Variants in PDE1C observed in about 807,000 individuals in gnomAD.
PDE1C encodes phosphodiesterase 1C.
A neutral mutation model predicts 93.1 loss-of-function variants in PDE1C; 62 were observed. The observed-to-expected ratio is 0.67, with a 90% CI of 0.54 to 0.82. PDE1C has a LOEUF of 0.82. Among genes scored for constraint, PDE1C ranks in the 40% least tolerant of loss-of-function variants. The pLI, the probability that PDE1C is intolerant of heterozygous loss-of-function variation, is 0.00. For missense variants in PDE1C, 742 were observed against 884.6 expected, an observed-to-expected ratio of 0.84 and a Z score of 2.04; for synonymous variants, 325 against 310.1, an observed-to-expected ratio of 1.05 and a Z score of -0.50.
chr7:31,748,697 G>A (rs1214881533), downstream of PDE1C, among the ~76,000 whole-genome samples: 1 of 152,132 alleles, frequency 6.6e-6, no homozygotes, highest in Non-Finnish European at 1.5e-5. Context: ...ATGATGCAGG[G>A]CCTTCTCTTG....
chr7:32,419,290 T>C (rs1373015027), intron 1 of PDE1C, among the ~76,000 whole-genome samples: 1 of 152,196 alleles, frequency 6.6e-6, no homozygotes, highest in African/African-American at 2.4e-5. Flanking sequence ...AACAATTTCC[T>C]AGTATCCTCC....
chr7:31,888,491 A>C (rs994900236), intron 2 of PDE1C, among the ~76,000 whole-genome samples: 1 of 152,084 alleles, frequency 6.6e-6, no homozygotes, highest in Admixed American at 6.5e-5. Flanking sequence ...TCAAGAAAAA[A>C]GAGAAATGAT....
chr7:31,755,487 C>T lies in PDE1C; in HGVS notation c.1961-1934G>A, dbSNP rs190085671. 3.6e-3 allele frequency among the ~76,000 whole-genome samples: 542 copies of T among 152,012 alleles called. 4 individuals are homozygous for T. The highest frequency in any genetic ancestry group is 0.013 in the African/African-American group (518 of 41,436). On this transcript the variant is annotated intron_variant, in intron 17 of 17. Transcript: ENST00000396191. ...TAATAGCAGAAACCAGGGCTCCTTG[C>T]AGAAATGACTGATTCCAGAACTCGG...
At chr7:31,709,759 G>A in the PDE1C span, among the ~76,000 whole-genome samples, 1 of 152,086 alleles carries the variant, frequency 6.6e-6, no homozygotes, top group East Asian at 1.9e-4. Flanking sequence ...TTTCTGGCCA[G>A]GTAAAGTAGA....
At chr7:32,104,992 G>C (rs1047038297) in intron 3 of PDE1C, among the ~76,000 whole-genome samples, 7 of 152,244 alleles carry the variant, frequency 4.6e-5, no homozygotes, top group Middle Eastern at 3.4e-3. Flanking sequence ...CCAAGAACCT[G>C]CCAAAGTCCT....
At chr7:32,050,776 C>G (rs1350480333) in intron 2 of PDE1C, among the ~76,000 whole-genome samples, 1 of 152,186 alleles carries the variant, frequency 6.6e-6, no homozygotes, top group East Asian at 1.9e-4. Flanking sequence ...TGCTGCTCCA[C>G]CAAGTCAGCA....
chr7:32,058,398 C>G (rs76732136), intron 1 of PDE1C, among the ~76,000 whole-genome samples: 13 of 152,164 alleles, frequency 8.5e-5, no homozygotes, highest in African/African-American at 3.1e-4. Context: ...CTCATGAGTA[C>G]AGATCACATG....
At chr7:32,316,332 G>C (rs78474681) in intron 1 of PDE1C, among the ~76,000 whole-genome samples, 1 of 152,120 alleles carries the variant, frequency 6.6e-6, no homozygotes, top group Non-Finnish European at 1.5e-5. Context: ...GTTTACCAAC[G>C]ATAGAATAAA....
intron 1 of PDE1C, among the ~76,000 whole-genome samples, chr7:32,282,644 C>T (rs1271656435): frequency 3.5e-4 from 7 of 20,230 alleles, no homozygotes; most frequent in African/African-American, 1.0e-3. Context: ...TGCAATGGCA[C>T]GATCTCGGCT....
At position 31,968,891 on chromosome 7, in the gene PDE1C, T is replaced by C. The variant is rs180825750; in HGVS notation, c.128+82663A>G. Among the ~76,000 whole-genome samples the C allele has an allele frequency of 4.1e-3, 627 of 152,356 alleles. 6 individuals are homozygous for C. The highest frequency in any genetic ancestry group is 0.014 in the African/African-American group (591 of 41,584). ...AACAAGCAATGGGGAAAGGATTCCC[T>C]ATTTAATAAATCATTCTGGGAAAAC... On this transcript the variant is annotated intron_variant, in intron 2 of 17. Coordinates refer to ENST00000396191, the MANE Select transcript of PDE1C (RefSeq NM_001191057.4).
intron 2 of PDE1C, among the ~76,000 whole-genome samples, chr7:31,940,788 G>A (rs756900565): frequency 3.3e-5 from 5 of 152,076 alleles, no homozygotes; most frequent in South Asian, 2.1e-4. Context: ...ACCCAGCCAC[G>A]CTCTGTGAGC....
chr7:31,707,470 G>A, the PDE1C span: 5 of 575,852 alleles, frequency 8.7e-6, no homozygotes, highest in African/African-American at 5.7e-5. Context: ...TTCTTTCTGA[G>A]TATGGTTTCT....
At chr7:31,681,533 C>T in the PDE1C span, among the ~76,000 whole-genome samples, 1 of 152,324 alleles carries the variant, frequency 6.6e-6, no homozygotes, top group African/African-American at 2.4e-5. Flanking sequence ...GTGTCTTGCT[C>T]TGGGCTGTCA....
At chr7:32,088,808 A>G (rs1256949393) in intron 3 of PDE1C, among the ~76,000 whole-genome samples, 1 of 152,202 alleles carries the variant, frequency 6.6e-6, no homozygotes. Context: ...GAAATAACCT[A>G]CGGGGATGAC....
In PDE1C at chr7:32,211,081, C is replaced by T. The variant is rs138525395; in HGVS notation, c.86-1542G>A. Reference sequence around the variant, plus strand: ...AAAATTAGCCGGGCGTGGTGGTGGGCGCCTGTAATCCCAGCTACTCGGGAG... The same window carrying T: ...AAAATTAGCCGGGCGTGGTGGTGGGTGCCTGTAATCCCAGCTACTCGGGAG... On this transcript the variant is annotated intron_variant, in intron 1 of 18. Transcript: ENST00000396193. 3.8e-3 allele frequency among the ~76,000 whole-genome samples: 584 copies of T among 152,010 alleles called. 6 individuals carry two copies. The highest frequency in any genetic ancestry group is 0.013 in the African/African-American group (549 of 41,458).
rs147173618 is a variant in PDE1C at position 31,986,980 on chromosome 7, A to C, written c.128+64574T>G. On this transcript the variant is annotated intron_variant, in intron 2 of 17. Transcript: ENST00000396191. ...CATACACACACAAAACTAGGAAGAAACGCTTCTGTTTTAAGACAAACTCCA... is the reference window on the plus strand; with the variant it reads ...CATACACACACAAAACTAGGAAGAACCGCTTCTGTTTTAAGACAAACTCCA... Among the ~76,000 whole-genome samples, 627 of 152,070 alleles carry C rather than the reference A, an allele frequency of 4.1e-3. 3 individuals carry two copies. Among genetic ancestry groups the C allele is most frequent in the African/African-American group, 0.014 (582 of 41,504 alleles).
At chr7:32,209,525 C>T (rs753363618) in exon 2 of PDE1C, 13 of 1,568,726 alleles carry the variant, frequency 8.3e-6, no homozygotes, top group Non-Finnish European at 1.1e-5. Context: ...TTCTTGTCTC[C>T]AGCTTCATTT....
At chr7:32,196,597 G>A (rs1804638828) in intron 2 of PDE1C, among the ~76,000 whole-genome samples, 1 of 152,070 alleles carries the variant, frequency 6.6e-6, no homozygotes. Flanking sequence ...TAATTCATGG[G>A]AAAAATAGGA....
At chr7:31,975,532 T>G (rs1724897650) in intron 2 of PDE1C, among the ~76,000 whole-genome samples, 1 of 152,096 alleles carries the variant, frequency 6.6e-6, no homozygotes, top group South Asian at 2.1e-4. Context: ...TTATAACCAG[T>G]CTCCTTACAG....
Sources: gnomAD v4.1 joint callset for allele counts (sites outside exome capture counted in the v4.1 genomes callset) on GRCh38, gnomAD v4.1.1 for gene constraint, MANE v1.5 for transcripts, NCBI Gene and HGNC (gene_info 2026-07-23, HGNC 2026-07-21) for gene names.